Variants in TTC28 observed in about 807,000 individuals in gnomAD.
TTC28 encodes the protein tetratricopeptide repeat protein 28.
Under a neutral mutation model 198.0 loss-of-function variants are expected in TTC28, and 61 were observed. That is an observed-to-expected ratio of 0.31 (90% CI 0.25 to 0.38). The LOEUF is 0.38. Among genes scored for constraint, TTC28 ranks in the 10% least tolerant of loss-of-function variants. TTC28 has a pLI of 1.00. For synonymous variants in TTC28, 1,171 were observed against 1,297.8 expected, an observed-to-expected ratio of 0.90 and a Z score of 2.10; for missense variants, 2,678 against 3,164.0, an observed-to-expected ratio of 0.85 and a Z score of 3.69.
At chr22:28,002,555 C>G (rs933556380) in intron 14 of TTC28, 1 of 151,946 alleles carries the variant, frequency 6.6e-6, no homozygotes, top group Non-Finnish European at 1.5e-5. Flanking sequence ...TAGGCTAACC[C>G]AAAGTGACAC....
chr22:28,017,836 T>A (rs985004663), intron 13 of TTC28, among the ~76,000 whole-genome samples: 7 of 152,062 alleles, frequency 4.6e-5, no homozygotes, highest in Non-Finnish European at 8.8e-5. Context: ...ATTCCCCCCA[T>A]CCCCAGGGCT....
At chr22:28,475,169 A>G (rs911878768) in intron 2 of TTC28, among the ~76,000 whole-genome samples, 284 of 150,198 alleles carry the variant, frequency 1.9e-3, no homozygotes, top group Non-Finnish European at 2.2e-3. Flanking sequence ...AAAAAAAAAA[A>G]AAAGAAAGAA....
Position 27,982,720 on chromosome 22 carries a change from G to C in TTC28, c.6947C>G (p.Ala2316Gly). The change falls in exon 23 of 23, where the codon GCT (alanine) becomes GGT (glycine). Residue 2316 changes from alanine (A) to glycine (G), a missense_variant. Ala to Gly is a moderately conservative substitution (Grantham distance 60, BLOSUM62 0). Coordinates refer to ENST00000397906, the MANE Select transcript of TTC28 (RefSeq NM_001145418.2). This position sits in a 1 kb window ranked among gnomAD's most constrained non-coding sequence, Gnocchi z 5.2. ...GAGAGCTGGGGAGGGTGCACTGCCA[G>C]CAGGAGACTGGTGGCCGGAGCTTGG... ...MSPSSGHQSPAGSAPSPALSY... is the reference protein window; with the variant it reads ...MSPSSGHQSPGGSAPSPALSY... 2.6e-6 allele frequency: 4 copies of C among 1,551,666 alleles called. No individual in the cohort carries two copies. Among genetic ancestry groups the C allele is most frequent in the South Asian group, 2.4e-5 (2 of 84,052 alleles).
intron 2 of TTC28, among the ~76,000 whole-genome samples, chr22:28,394,148 C>G (rs1347490901): frequency 6.6e-6 from 1 of 152,136 alleles, no homozygotes; most frequent in Non-Finnish European, 1.5e-5. Flanking sequence ...GCTGAGCTGC[C>G]TGCCTGGGCT....
At chr22:28,564,521 TTATAA>T (rs1393465033) in intron 2 of TTC28, among the ~76,000 whole-genome samples, 1 of 152,098 alleles carries the variant, frequency 6.6e-6, no homozygotes, top group African/African-American at 2.4e-5. Flanking sequence ...AATTTTTACA[TTATAA>T]TGACACTAAC....
chr22:28,344,592 C>T lies in TTC28; in HGVS notation c.382-37949G>A, dbSNP rs535813343. On this transcript the variant is annotated intron_variant, in intron 2 of 22. Coordinates refer to ENST00000397906, the MANE Select transcript of TTC28 (RefSeq NM_001145418.2). ...ATTAAATAATTATAACTGACAGGCACTCCATTTATGCCCCAACCCAAAAAT... is the reference window on the plus strand; with the variant it reads ...ATTAAATAATTATAACTGACAGGCATTCCATTTATGCCCCAACCCAAAAAT... Among the ~76,000 whole-genome samples the T allele has an allele frequency of 2.6e-4, 40 of 152,280 alleles. No individual in the cohort carries two copies. The South Asian group carries it at 7.9e-3, about 30-fold the overall frequency.
intron 4 of TTC28, 94 bp from the exon 5 acceptor site, chr22:28,296,422 GATTT>G: frequency 9.2e-7 from 1 of 1,091,718 alleles, no homozygotes. Context: ...AAGAGCCACA[GATTT>G]ATTAGCTAAG....
At chr22:28,474,609 C>A (rs546930956) in intron 2 of TTC28, among the ~76,000 whole-genome samples, 1 of 152,188 alleles carries the variant, frequency 6.6e-6, no homozygotes, top group African/African-American at 2.4e-5. Flanking sequence ...AAACATGTAC[C>A]CTCAGGCAGA....
intron 6 of TTC28, among the ~76,000 whole-genome samples, chr22:28,138,600 T>C (rs1943255303): frequency 6.6e-6 from 1 of 152,202 alleles, no homozygotes. Context: ...CTGTTTAGAA[T>C]TGTAAGTATA....
chr22:28,373,873 G>A (rs955428288), intron 2 of TTC28, among the ~76,000 whole-genome samples: 1 of 152,116 alleles, frequency 6.6e-6, no homozygotes, highest in Non-Finnish European at 1.5e-5. Context: ...ATGGAAGAAC[G>A]AAGCCATTTT....
intron 2 of TTC28, among the ~76,000 whole-genome samples, chr22:28,540,251 A>C (rs1377808529): frequency 6.6e-6 from 1 of 151,934 alleles, no homozygotes; most frequent in Non-Finnish European, 1.5e-5. Flanking sequence ...TGGCCCAGGA[A>C]GCTTTACAAT....
chr22:28,278,451 T>C (rs1018147193), intron 5 of TTC28, among the ~76,000 whole-genome samples: 1 of 152,186 alleles, frequency 6.6e-6, no homozygotes. Context: ...CCTAAAATTA[T>C]GACAAAAGAA....
At position 28,072,447 on chromosome 22, in the gene TTC28, T is replaced by A. The variant is rs139739139; in HGVS notation, c.3932+21633A>T. ...ATTCATCAATGGGACTAAGTTCAAT[T>A]GTCCATCTGTATTATTGAACTAGTT... On this transcript the variant is annotated intron_variant, in intron 12 of 22. Coordinates refer to ENST00000397906, the MANE Select transcript of TTC28 (RefSeq NM_001145418.2). Among the ~76,000 whole-genome samples, 467 of 152,300 alleles carry A rather than the reference T, an allele frequency of 3.1e-3. 2 individuals carry two copies. Among genetic ancestry groups the A allele is most frequent in the African/African-American group, 0.011 (451 of 41,556 alleles).
chr22:28,402,720 C>T (rs916357953), intron 2 of TTC28, among the ~76,000 whole-genome samples: 4 of 152,326 alleles, frequency 2.6e-5, no homozygotes, highest in Admixed American at 2.0e-4. Context: ...TTCTTCCGCT[C>T]TCAAACAGTC....
chr22:28,621,742 TAAAAAAAAAA>T, intron 2 of TTC28, among the ~76,000 whole-genome samples: 1 of 76,156 alleles, frequency 1.3e-5, no homozygotes, highest in East Asian at 3.3e-4. Context: ...GACTGTCTCT[TAAAAAAAAAA>T]AAAAAAAAAA....
At chr22:28,423,369 G>A (rs1465444987) in intron 2 of TTC28, among the ~76,000 whole-genome samples, 3 of 151,946 alleles carry the variant, frequency 2.0e-5, no homozygotes, top group Admixed American at 6.6e-5. Flanking sequence ...CAGCCTGGGC[G>A]ACAGAGCGAG....
chr22:28,096,968 C>A (rs1186797052), intron 10 of TTC28, among the ~76,000 whole-genome samples: 1 of 152,116 alleles, frequency 6.6e-6, no homozygotes, highest in Non-Finnish European at 1.5e-5. Context: ...CCATTCCTGG[C>A]TAATTTTCAT....
intron 6 of TTC28, among the ~76,000 whole-genome samples, chr22:28,157,241 G>A (rs528498080): frequency 6.6e-6 from 1 of 152,266 alleles, no homozygotes; most frequent in African/African-American, 2.4e-5. Context: ...AACCTGCCAA[G>A]ATTGAACCAT....
At chr22:28,537,472 G>A (rs927442912) in intron 2 of TTC28, among the ~76,000 whole-genome samples, 3 of 151,872 alleles carry the variant, frequency 2.0e-5, no homozygotes, top group Non-Finnish European at 4.4e-5. Context: ...AGAAAAAAGT[G>A]AAGATAGATC....
Sources: gnomAD v4.1 joint callset for allele counts (sites outside exome capture counted in the v4.1 genomes callset) on GRCh38, gnomAD v4.1.1 for gene constraint, Gnocchi (gnomAD v3.1) non-coding constraint, MANE v1.5 for transcripts, NCBI Gene and HGNC (gene_info 2026-07-23, HGNC 2026-07-21) for gene names.